Variants in SPINT1 observed in about 807,000 individuals in gnomAD.
The protein encoded by SPINT1 is serine peptidase inhibitor, Kunitz type 1, also known as kunitz-type protease inhibitor 1.
A neutral mutation model predicts 53.7 loss-of-function variants in SPINT1; 38 were observed. The observed-to-expected ratio is 0.71, with a 90% confidence interval of 0.55 to 0.93. The LOEUF is 0.93. Ranked by LOEUF, SPINT1 falls within the 40% of genes least tolerant of loss-of-function variation. The probability of loss-of-function intolerance (pLI) is 0.00; values close to 1 mark genes in which losing one functional copy is unlikely to be tolerated. For synonymous variants in SPINT1, 283 were observed against 280.6 expected (o/e 1.01, Z -0.08); for missense variants, 645 against 692.9 (o/e 0.93, Z 0.78).
intron 2 of SPINT1, among the ~76,000 whole-genome samples, chr15:40,847,756 G>C (rs1349217499): frequency 6.6e-6 from 1 of 152,110 alleles, no homozygotes; most frequent in African/African-American, 2.4e-5. Flanking sequence ...GGACTGAGTT[G>C]TGTTGGGGTG....
chr15:40,849,028 C>T (rs565691389), intron 2 of SPINT1, among the ~76,000 whole-genome samples: 23 of 151,450 alleles, frequency 1.5e-4, no homozygotes, highest in Admixed American at 7.2e-4. Context: ...GGGCGGATCA[C>T]GAGGTCGGGA....
chr15:40,845,549 A>G (rs1170037662), intron 2 of SPINT1, among the ~76,000 whole-genome samples: 2 of 152,088 alleles, frequency 1.3e-5, no homozygotes, highest in Non-Finnish European at 2.9e-5. Context: ...CATCGGTAGT[A>G]GGCAGTACAA....
chr15:40,852,853 A>G (rs1891501353), intron 2 of SPINT1, among the ~76,000 whole-genome samples: 2 of 151,892 alleles, frequency 1.3e-5, no homozygotes, highest in African/African-American at 4.8e-5. Context: ...CCTAGGAAAC[A>G]TAGCAAGACC....
At chr15:40,851,911 C>T (rs1380551354) in intron 2 of SPINT1, among the ~76,000 whole-genome samples, 2 of 152,208 alleles carry the variant, frequency 1.3e-5, no homozygotes. Flanking sequence ...ATCCCAGCTA[C>T]TCGGGAGGCT....
chr15:40,850,937 G>A (rs1054653194), intron 2 of SPINT1, among the ~76,000 whole-genome samples: 5 of 152,272 alleles, frequency 3.3e-5, no homozygotes, highest in Admixed American at 1.3e-4. Flanking sequence ...TCAATGTCTG[G>A]TGCAGCTGGC....
At position 40,853,777 on chromosome 15, in the gene SPINT1, C is replaced by A. The variant is rs761598510; in HGVS notation, c.809C>A (p.Pro270His). ...TCTTTCCCACGCTGGTACTATGACCCCACGGAGCAGATCTGCAAGAGTTTC... is the reference window on the plus strand; with the variant it reads ...TCTTTCCCACGCTGGTACTATGACCACACGGAGCAGATCTGCAAGAGTTTC... ...RGSFPRWYYD[P>H]TEQICKSFVY... Residue 270 changes from proline to histidine, a missense_variant, in exon 5 of 11, where the codon CCC (proline) becomes CAC (histidine). Pro to His is a moderately conservative substitution (Grantham distance 77). Coordinates refer to ENST00000562057, the MANE Select transcript of SPINT1 (RefSeq NM_003710.4). 1 of 1,614,216 alleles carries A rather than the reference C, an allele frequency of 6.2e-7. No individual in the cohort carries two copies. The highest frequency in any genetic ancestry group is 8.5e-7 in the Non-Finnish European group (1 of 1,180,030).
rs1461376837 is a variant in SPINT1 at position 40,844,547 on chromosome 15, G to A, written c.-8G>A. On this transcript the variant is annotated 5_prime_UTR_variant, in exon 2 of 11. Transcript: ENST00000562057. This position sits in a 1 kb window ranked among gnomAD's most constrained non-coding sequence, Gnocchi z 5.8. ...GCTCTGAAGGTGACCCCCCTGGGGA[G>A]GAAGGCGATGGCCCCTGCGAGGACG... is the stretch of plus-strand genomic sequence containing the variant. 3.7e-6 allele frequency: 6 copies of A among 1,610,562 alleles called. No individual in the cohort carries two copies. Among genetic ancestry groups the A allele is most frequent in the Middle Eastern group, 3.5e-4 (2 of 5,666 alleles).
At chr15:40,852,657 G>C (rs1891495280) in intron 2 of SPINT1, among the ~76,000 whole-genome samples, 1 of 151,684 alleles carries the variant, frequency 6.6e-6, no homozygotes, top group South Asian at 2.1e-4. Flanking sequence ...GTGTGTGTGT[G>C]TGTGTTTACT....
intron 3 of SPINT1, 116 bp from the exon 4 acceptor site, chr15:40,853,373 C>T: frequency 6.3e-7 from 1 of 1,599,058 alleles, no homozygotes; most frequent in Non-Finnish European, 8.5e-7. Flanking sequence ...GCTGAAGATG[C>T]ATTTAATCCA....
Position 40,844,703 on chromosome 15 carries a change from G to C in SPINT1, c.149G>C (p.Cys50Ser), listed in dbSNP as rs760177902. The C allele has an allele frequency of 6.2e-7, 1 of 1,608,810 alleles. No homozygotes were observed. The highest frequency in any genetic ancestry group is 8.5e-7 in the Non-Finnish European group (1 of 1,177,456). The change falls in exon 2 of 11, where the codon TGC (cysteine) becomes TCC (serine). Residue 50 changes from cysteine to serine, a missense_variant. Coordinates refer to ENST00000562057, the MANE Select transcript of SPINT1 (RefSeq NM_003710.4). The surrounding 1 kb of genome is among the most constrained non-coding windows in gnomAD (Gnocchi z 5.8). ...APPGLPAGAD[C>S]LNSFTAGVPG... is the part of the protein sequence containing the mutation. ...CCTGGGCTGCCCGCGGGAGCCGACTGCCTGAACAGCTTTACCGCCGGGGTG... is the reference window on the plus strand; with the variant it reads ...CCTGGGCTGCCCGCGGGAGCCGACTCCCTGAACAGCTTTACCGCCGGGGTG...
intron 2 of SPINT1, among the ~76,000 whole-genome samples, chr15:40,850,784 A>G (rs1020788046): frequency 2.0e-5 from 3 of 152,188 alleles, no homozygotes; most frequent in Admixed American, 6.5e-5. Flanking sequence ...CTGCACTGGT[A>G]TACTTGCCAG....
chr15:40,855,940 C>T lies in SPINT1; in HGVS notation c.1166C>T (p.Pro389Leu), dbSNP rs142750993. 3.9e-4 allele frequency: 626 copies of T among 1,614,182 alleles called. 3 individuals carry two copies. In the African/African-American group the frequency reaches 6.6e-3, roughly 17 times the overall value. ...PDTGLCKESI[P>L]RWYYNPFSEH... ...ACAGGACTCTGCAAGGAGAGCATCCCGCGCTGGTACTACAACCCCTTCAGC... is the reference window on the plus strand; with the variant it reads ...ACAGGACTCTGCAAGGAGAGCATCCTGCGCTGGTACTACAACCCCTTCAGC... Residue 389 changes from proline (P) to leucine (L), a missense_variant, in exon 9 of 11, where the codon CCG becomes CTG. By Grantham distance (98) the Pro-to-Leu change is moderately conservative. Transcript: ENST00000562057.
At position 40,844,592 on chromosome 15, in the gene SPINT1, C is replaced by T. The variant is rs770584218; in HGVS notation, c.38C>T (p.Ala13Val). Residue 13 changes from alanine to valine, a missense_variant, in exon 2 of 11, where the codon GCC (alanine) becomes GTC (valine). Physicochemically the swap from Ala to Val is moderately conservative, Grantham distance 64. Coordinates refer to ENST00000562057, the MANE Select transcript of SPINT1 (RefSeq NM_003710.4). The surrounding 1 kb of genome is among the most constrained non-coding windows in gnomAD (Gnocchi z 5.8). Reference protein sequence around the residue: ...PARTMARARLAPAGIPAVALW... With the variant: ...PARTMARARLVPAGIPAVALW... ...AGGACGATGGCCCGCGCCCGCCTCG[C>T]CCCGGCCGGCATCCCTGCCGTCGCC... The T allele has an allele frequency of 3.4e-5, 55 of 1,609,588 alleles. No homozygotes were observed. The highest frequency in any genetic ancestry group is 4.4e-5 in the Non-Finnish European group (52 of 1,178,810).
intron 3 of SPINT1, 23 bp from the exon 4 acceptor site, chr15:40,853,466 C>T (rs779282995): frequency 6.2e-7 from 1 of 1,614,074 alleles, no homozygotes; most frequent in Middle Eastern, 1.7e-4. Context: ...GTGCCCAAGC[C>T]TGATAGCCAC....
chr15:40,853,137 C>G lies in SPINT1; in HGVS notation c.489C>G (p.Pro163=). The G allele has an allele frequency of 2.5e-6, 4 of 1,614,014 alleles. No homozygotes were observed. The highest frequency in any genetic ancestry group is 3.4e-6 in the Non-Finnish European group (4 of 1,179,924). The stretch of plus-strand genomic sequence containing the variant: ...TCTCCCCGCCAGGGTCTGGGATCCC[C>G]AAGGCCTGGGCAGGCATAGACTTGA... ...RTQGFGGSGI[P]KAWAGIDLKV... is the part of the protein sequence containing the mutation. The change falls in exon 3 of 11, where the codon CCC becomes CCG. Residue 163 remains proline (P), a synonymous_variant. Transcript: ENST00000562057.
At position 40,854,652 on chromosome 15, in the gene SPINT1, T is replaced by C; in HGVS notation, c.1080T>C (p.Phe360=). 1 of 1,614,162 alleles carries C rather than the reference T, an allele frequency of 6.2e-7. No individual in the cohort carries two copies. The highest frequency in any genetic ancestry group is 8.5e-7 in the Non-Finnish European group (1 of 1,180,038). ...TCCTCTCTGCAGACACGAGTGGCTT[T>C]GACGAGCTCCAGCGCATCCATTTCC... ...EAACEKYTSG[F]DELQRIHFPS... Residue 360 remains phenylalanine, a synonymous_variant, in exon 8 of 11, where the codon TTT becomes TTC. Transcript: ENST00000562057.
chr15:40,851,543 A>G (rs1281555646), intron 2 of SPINT1, among the ~76,000 whole-genome samples: 1 of 152,234 alleles, frequency 6.6e-6, no homozygotes, highest in Non-Finnish European at 1.5e-5. Context: ...TCCCTCCTCC[A>G]GAAAGCCTTG....
intron 8 of SPINT1, 113 bp from the exon 9 acceptor site, chr15:40,855,779 C>T: frequency 8.2e-7 from 1 of 1,225,246 alleles, no homozygotes; most frequent in East Asian, 2.5e-5. Flanking sequence ...CTCTCAGGCC[C>T]TCCCTGAGCC....
At chr15:40,852,172 G>A (rs773838280) in intron 2 of SPINT1, among the ~76,000 whole-genome samples, 32 of 152,312 alleles carry the variant, frequency 2.1e-4, no homozygotes, top group African/African-American at 3.1e-4. Flanking sequence ...GGCCCCAGGC[G>A]TACCTTGGCT....
Sources: gnomAD v4.1 joint callset for allele counts (sites outside exome capture counted in the v4.1 genomes callset) on GRCh38, gnomAD v4.1.1 for gene constraint, Gnocchi (gnomAD v3.1) non-coding constraint, MANE v1.5 for transcripts, NCBI Gene and HGNC (gene_info 2026-07-23, HGNC 2026-07-21) for gene names.